Variants in HERPUD2 observed in about 807,000 individuals in gnomAD.
HERPUD2 encodes the protein homocysteine-responsive endoplasmic reticulum-resident ubiquitin-like domain member 2 protein.
Under a neutral mutation model 49.9 loss-of-function variants are expected in HERPUD2, and 13 were observed. The observed-to-expected ratio is 0.26, with a 90% CI of 0.17 to 0.41. The LOEUF (loss-of-function observed/expected upper bound fraction) is 0.41, where lower values mean the gene tolerates loss of function less well. HERPUD2 is among the 10% of genes least tolerant of loss of function. The pLI, the probability that HERPUD2 is intolerant of heterozygous loss-of-function variation, is 1.00. For synonymous variants in HERPUD2, 172 were observed against 171.4 expected, an observed-to-expected ratio of 1.00 and a Z score of -0.03; for missense variants, 449 against 492.2, an observed-to-expected ratio of 0.91 and a Z score of 0.83.
intron 4 of HERPUD2, among the ~76,000 whole-genome samples, 171 bp downstream of exon 4, chr7:35,670,044 A>G (rs1785610918): frequency 6.6e-6 from 1 of 151,988 alleles, no homozygotes; most frequent in South Asian, 2.1e-4. Flanking sequence ...TGCGTATTAG[A>G]TCTTTCAAAA....
chr7:35,635,009 G>T, intron 7 of HERPUD2, 126 bp downstream of exon 7: 1 of 659,870 alleles, frequency 1.5e-6, no homozygotes. Flanking sequence ...TCAAAAACAT[G>T]CCAGATATCT....
intron 5 of HERPUD2, among the ~76,000 whole-genome samples, chr7:35,649,222 G>A (rs999644866): frequency 1.1e-4 from 17 of 150,846 alleles, no homozygotes; most frequent in African/African-American, 4.1e-4. Context: ...CTGCACTCCA[G>A]CCTGGGCGAC....
chr7:35,644,283 T>C (rs147336219), intron 5 of HERPUD2, among the ~76,000 whole-genome samples: 21 of 151,502 alleles, frequency 1.4e-4, no homozygotes, highest in Middle Eastern at 6.8e-3. Context: ...TGAACCTTAA[T>C]TGAATTTAAT....
chr7:35,667,379 A>T, intron 5 of HERPUD2, 55 bp downstream of exon 5: 1 of 1,505,958 alleles, frequency 6.6e-7, no homozygotes. Context: ...ACTCAAAAGC[A>T]ATTCATTTTT....
At chr7:35,654,056 G>T (rs946762403) in intron 5 of HERPUD2, among the ~76,000 whole-genome samples, 2 of 151,852 alleles carry the variant, frequency 1.3e-5, no homozygotes, top group African/African-American at 4.8e-5. Flanking sequence ...AAAACCTATG[G>T]AATACAACAA....
At chr7:35,672,481 A>C (rs901022669) in intron 3 of HERPUD2, among the ~76,000 whole-genome samples, 1 of 152,028 alleles carries the variant, frequency 6.6e-6, no homozygotes, top group Non-Finnish European at 1.5e-5. Flanking sequence ...TCATAAACAT[A>C]CAGGAGAAGA....
At chr7:35,686,308 G>GC (rs1177982475) in intron 2 of HERPUD2, among the ~76,000 whole-genome samples, 3 of 149,390 alleles carry the variant, frequency 2.0e-5, no homozygotes, top group Non-Finnish European at 3.0e-5. Context: ...CCTGCGTCAC[G>GC]TCCCAAGTAG....
chr7:35,680,231 A>C (rs1427358761), intron 2 of HERPUD2, among the ~76,000 whole-genome samples: 1 of 151,578 alleles, frequency 6.6e-6, no homozygotes, highest in Non-Finnish European at 1.5e-5. Context: ...ACATAGCAAG[A>C]CTCCATCTCC....
At chr7:35,675,215 T>C (rs555779446) in intron 2 of HERPUD2, among the ~76,000 whole-genome samples, 2 of 152,322 alleles carry the variant, frequency 1.3e-5, no homozygotes, top group South Asian at 4.1e-4. Context: ...CTCCTTGTTG[T>C]TGGAGAGAAA....
intron 3 of HERPUD2, among the ~76,000 whole-genome samples, chr7:35,671,819 A>G (rs1223659630): frequency 6.6e-6 from 1 of 152,018 alleles, no homozygotes; most frequent in Non-Finnish European, 1.5e-5. Flanking sequence ...AATCTTTTTA[A>G]AAGTCTTCAT....
chr7:35,660,122 A>G (rs1334893768), intron 5 of HERPUD2, among the ~76,000 whole-genome samples: 1 of 152,080 alleles, frequency 6.6e-6, no homozygotes, highest in Non-Finnish European at 1.5e-5. Context: ...GTGAGAACAT[A>G]CGGTGTTTTG....
intron 6 of HERPUD2, among the ~76,000 whole-genome samples, chr7:35,637,322 G>A (rs1435077860): frequency 6.6e-6 from 1 of 152,146 alleles, no homozygotes; most frequent in Non-Finnish European, 1.5e-5. Context: ...AACATTGGAG[G>A]TAGCATATGG....
intron 2 of HERPUD2, among the ~76,000 whole-genome samples, chr7:35,682,261 G>A (rs28886682): frequency 1.8e-4 from 10 of 54,990 alleles, no homozygotes; most frequent in South Asian, 6.1e-4. Context: ...GTGTGTGTGT[G>A]TATATATAGA....
rs866112285 is a variant in HERPUD2, at chr7:35,682,367, A to G, written c.148-9089T>C. 3.2e-3 allele frequency among the ~76,000 whole-genome samples: 316 copies of G among 100,204 alleles called. 24 individuals carry two copies. The highest frequency in any genetic ancestry group is 4.2e-3 in the Non-Finnish European group (192 of 45,960). 65.7% of individuals were successfully genotyped at this position (100,204 alleles called of 152,430 possible). ...TGTGTGTGTGTGTGTGTATATATAT[A>G]TATATATATATATATATATACTTAA... On this transcript the variant is annotated intron_variant, in intron 2 of 8. Transcript: ENST00000311350.
At chr7:35,656,069 G>A (rs1323783510) in intron 5 of HERPUD2, among the ~76,000 whole-genome samples, 1 of 152,158 alleles carries the variant, frequency 6.6e-6, no homozygotes, top group Non-Finnish European at 1.5e-5. Context: ...GGCTGAGGCA[G>A]GAGAATCTCT....
chr7:35,642,684 C>T (rs1784985059), intron 5 of HERPUD2, among the ~76,000 whole-genome samples: 1 of 152,158 alleles, frequency 6.6e-6, no homozygotes, highest in African/African-American at 2.4e-5. Flanking sequence ...AGGTCATTAT[C>T]CTTAGGAAAC....
chr7:35,672,807 C>T (rs900971862), intron 3 of HERPUD2, among the ~76,000 whole-genome samples: 2 of 152,082 alleles, frequency 1.3e-5, no homozygotes, highest in African/African-American at 4.8e-5. Context: ...TGAAATTAAA[C>T]TCCCAACTCA....
At chr7:35,645,909 CT>C (rs1365289174) in intron 5 of HERPUD2, among the ~76,000 whole-genome samples, 1 of 152,106 alleles carries the variant, frequency 6.6e-6, no homozygotes, top group Admixed American at 6.5e-5. Flanking sequence ...CTCTTACATA[CT>C]TTTGTTTCGT....
rs1278331472 is a variant in HERPUD2 at position 35,664,624 on chromosome 7, C to T, written c.494+2810G>A. On this transcript the variant is annotated intron_variant, in intron 5 of 8. Coordinates refer to ENST00000311350, the MANE Select transcript of HERPUD2 (RefSeq NM_022373.5). ...TTTTTTCTCTAAACTTCTCTTCTCA[C>T]TTCATTTCATTCATTTGATCTTCAA... Among the ~76,000 whole-genome samples, 2 of 152,200 alleles carry T rather than the reference C, an allele frequency of 1.3e-5. 1 individual carries two copies. The highest frequency in any genetic ancestry group is 1.3e-4 in the Admixed American group (2 of 15,282).
Sources: gnomAD v4.1 joint callset for allele counts (sites outside exome capture counted in the v4.1 genomes callset) on GRCh38, gnomAD v4.1.1 for gene constraint, MANE v1.5 for transcripts, NCBI Gene and HGNC (gene_info 2026-07-23, HGNC 2026-07-21) for gene names.